Variants in ADAMTS18 observed in about 807,000 individuals in gnomAD.
The protein encoded by ADAMTS18 is ADAM metallopeptidase with thrombospondin type 1 motif 18.
In ADAMTS18, 157 loss-of-function variants were observed where a neutral mutation model predicts 165.9. That is an observed-to-expected ratio of 0.95 (90% confidence interval 0.83 to 1.08). The LOEUF (loss-of-function observed/expected upper bound fraction) is 1.08. Ranked by LOEUF, ADAMTS18 falls within the 50% of genes least tolerant of loss-of-function variation. The pLI, the probability that ADAMTS18 is intolerant of heterozygous loss-of-function variation, is 0.00. For synonymous variants in ADAMTS18, 782 were observed against 578.2 expected (o/e 1.35, Z -5.06); for missense variants, 2,040 against 1,534.0 (o/e 1.33, Z -5.51).
intron 3 of ADAMTS18, among the ~76,000 whole-genome samples, chr16:77,374,205 T>G: frequency 7.2e-6 from 1 of 139,696 alleles, no homozygotes; most frequent in Non-Finnish European, 1.5e-5. Flanking sequence ...GGCAACAGAG[T>G]GAGACTCCAT....
chr16:77,392,867 G>T (rs1039106474), intron 3 of ADAMTS18, among the ~76,000 whole-genome samples: 1 of 152,238 alleles, frequency 6.6e-6, no homozygotes, highest in Admixed American at 6.5e-5. Flanking sequence ...AAATGAGAAG[G>T]CGTAAATGGC....
intron 22 of ADAMTS18, 129 bp from the exon 23 acceptor site, chr16:77,284,200 A>ACTGCAATCT: frequency 1.6e-6 from 1 of 636,700 alleles, no homozygotes; most frequent in Non-Finnish European, 2.8e-6. Context: ...ATCTCCGCTC[A>ACTGCAATCT]CTGCAATCTC....
intron 3 of ADAMTS18, among the ~76,000 whole-genome samples, chr16:77,374,958 C>T (rs996584415): frequency 1.3e-5 from 2 of 152,030 alleles, no homozygotes; most frequent in African/African-American, 4.8e-5. Flanking sequence ...TGGAATCTAA[C>T]CAAATAAATA....
intron 10 of ADAMTS18, among the ~76,000 whole-genome samples, chr16:77,349,126 T>G (rs74511424): frequency 1.2e-4 from 19 of 152,116 alleles, no homozygotes; most frequent in African/African-American, 4.3e-4. Flanking sequence ...TTCTAATTAT[T>G]CTCCATTCAT....
chr16:77,365,700 C>A (rs936680426), intron 4 of ADAMTS18, among the ~76,000 whole-genome samples: 6 of 152,158 alleles, frequency 3.9e-5, no homozygotes, highest in African/African-American at 1.4e-4. Flanking sequence ...AAAATGGCAC[C>A]TGGAAAGCTC....
chr16:77,333,570 C>T (rs114027173), intron 12 of ADAMTS18, among the ~76,000 whole-genome samples: 1,610 of 150,236 alleles, frequency 0.011, 30 homozygotes, highest in African/African-American at 0.037. Flanking sequence ...AAACTAAAAG[C>T]CATCCCAAAA....
intron 14 of ADAMTS18, 49 bp downstream of exon 14, chr16:77,322,287 A>T (rs2056014776): frequency 2.5e-6 from 4 of 1,610,394 alleles, no homozygotes; most frequent in Non-Finnish European, 3.4e-6. Context: ...ACACGATATG[A>T]TAAAACACAA....
At chr16:77,311,419 C>T (rs1404688020) in intron 16 of ADAMTS18, among the ~76,000 whole-genome samples, 1 of 152,136 alleles carries the variant, frequency 6.6e-6, no homozygotes, top group Non-Finnish European at 1.5e-5. Flanking sequence ...ATGGAAAGGC[C>T]TATGAACTTT....
chr16:77,353,921 T>C (rs1395660031), intron 9 of ADAMTS18, 35 bp from the exon 10 acceptor site: 2 of 1,613,446 alleles, frequency 1.2e-6, no homozygotes, highest in African/African-American at 2.7e-5. Context: ...AATTACTCTG[T>C]TGATCTGTGA....
chr16:77,398,564 G>A (rs2057288340), intron 3 of ADAMTS18, among the ~76,000 whole-genome samples: 1 of 152,148 alleles, frequency 6.6e-6, no homozygotes, highest in South Asian at 2.1e-4. Context: ...ACCATTTTAA[G>A]GCATTGGTCT....
At chr16:77,288,960 CT>C (rs1597078074) in intron 22 of ADAMTS18, among the ~76,000 whole-genome samples, 2 of 152,108 alleles carry the variant, frequency 1.3e-5, no homozygotes, top group Non-Finnish European at 2.9e-5. Flanking sequence ...TGGTGCACAC[CT>C]ATAATCCCAG....
chr16:77,421,240 C>T (rs2057598419), intron 3 of ADAMTS18, among the ~76,000 whole-genome samples: 1 of 152,180 alleles, frequency 6.6e-6, no homozygotes, highest in Non-Finnish European at 1.5e-5. Context: ...GAGAGGTGAG[C>T]TTGCTGTCCA....
At chr16:77,334,666 A>G (rs1174030100) in intron 12 of ADAMTS18, among the ~76,000 whole-genome samples, 2 of 112,978 alleles carry the variant, frequency 1.8e-5, no homozygotes, top group Non-Finnish European at 3.4e-5. Context: ...TACTGTATAT[A>G]GTGCATATAC....
chr16:77,413,541 T>G (rs934474786), intron 3 of ADAMTS18, among the ~76,000 whole-genome samples: 16 of 152,214 alleles, frequency 1.1e-4, no homozygotes, highest in African/African-American at 3.6e-4. Flanking sequence ...TATTTTTGAA[T>G]GCCCACTGCT....
In ADAMTS18 at chr16:77,339,128, A is replaced by G. The variant is rs185941498; in HGVS notation, c.1710+2576T>C. 1.0e-3 allele frequency among the ~76,000 whole-genome samples: 153 copies of G among 152,148 alleles called. 2 individuals carry two copies. Among genetic ancestry groups the G allele is most frequent in the African/African-American group, 3.5e-3 (145 of 41,508 alleles). ...GAGTACCTGCTACTGTGTGTCAGAC[A>G]CTCCAGATGAAACAAGTAAAACCAG... is the stretch of plus-strand genomic sequence containing the variant. On this transcript the variant is annotated intron_variant, in intron 11 of 22. Coordinates refer to ENST00000282849, the MANE Select transcript of ADAMTS18 (RefSeq NM_199355.4).
intron 3 of ADAMTS18, among the ~76,000 whole-genome samples, chr16:77,419,794 T>A (rs1597252784): frequency 1.3e-5 from 2 of 151,360 alleles, no homozygotes; most frequent in Non-Finnish European, 2.9e-5. Flanking sequence ...AGGTCAGGAG[T>A]TCGAGACCAG....
intron 21 of ADAMTS18, 125 bp downstream of exon 21, chr16:77,291,141 G>C (rs1415430662): frequency 6.5e-6 from 7 of 1,080,342 alleles, no homozygotes; most frequent in African/African-American, 4.7e-5. Flanking sequence ...TCTGCCTTCA[G>C]AACTTGAGCC....
At chr16:77,361,781 G>A (rs1453207406) in intron 7 of ADAMTS18, among the ~76,000 whole-genome samples, 4 of 152,180 alleles carry the variant, frequency 2.6e-5, no homozygotes, top group Admixed American at 1.3e-4. Flanking sequence ...CTACTTGGGA[G>A]GCTGAGGCAG....
chr16:77,388,229 C>T (rs1195005835), intron 3 of ADAMTS18, among the ~76,000 whole-genome samples: 1 of 152,084 alleles, frequency 6.6e-6, no homozygotes, highest in African/African-American at 2.4e-5. Context: ...CCTCCTGAGT[C>T]GCTGAGATTA....
Sources: gnomAD v4.1 joint callset for allele counts (sites outside exome capture counted in the v4.1 genomes callset) on GRCh38, gnomAD v4.1.1 for gene constraint, MANE v1.5 for transcripts, NCBI Gene and HGNC (gene_info 2026-07-23, HGNC 2026-07-21) for gene names.